HTR4: variants seen among roughly 807,000 people sequenced by gnomAD.
The protein encoded by HTR4 is 5-hydroxytryptamine (serotonin) receptor 4, G protein-coupled.
In HTR4, 16 loss-of-function variants were observed where a neutral mutation model predicts 36.8. The ratio of observed to expected loss-of-function variants is 0.43; its 90% CI spans 0.29 to 0.66. The LOEUF is 0.66. Ranked by LOEUF, HTR4 falls within the 30% of genes least tolerant of loss-of-function variation. HTR4 has a pLI of 0.13. For missense variants in HTR4, 438 were observed against 490.9 expected (o/e 0.89, Z 1.02); for synonymous variants, 189 against 185.1 (o/e 1.02, Z -0.17).
At chr5:148,565,052 G>A (rs546192369) in intron 2 of HTR4, among the ~76,000 whole-genome samples, 1 of 149,048 alleles carries the variant, frequency 6.7e-6, no homozygotes, top group East Asian at 2.0e-4. Context: ...AGAGGTTGCA[G>A]TAAGCCAATA....
At chr5:148,471,904 G>A (rs959823646), downstream of HTR4, among the ~76,000 whole-genome samples, 8 of 152,164 alleles carry the variant, frequency 5.3e-5, no homozygotes, top group African/African-American at 1.7e-4. Context: ...TTGTTTCAGT[G>A]TAGTTTACCT....
chr5:148,572,731 T>C (rs895935908), intron 2 of HTR4, among the ~76,000 whole-genome samples: 1 of 152,108 alleles, frequency 6.6e-6, no homozygotes, highest in Non-Finnish European at 1.5e-5. Context: ...CTAGAACCCT[T>C]TTCTTTAGTA....
At chr5:148,451,217 T>C in exon 6 of HTR4, 1 of 1,613,886 alleles carries the variant, frequency 6.2e-7, no homozygotes, top group Non-Finnish European at 8.5e-7. Context: ...TCTGGGTCAT[T>C]GTGTATGGGC....
intron 2 of HTR4, among the ~76,000 whole-genome samples, chr5:148,589,544 T>G (rs775336792): frequency 6.6e-6 from 1 of 152,164 alleles, no homozygotes; most frequent in Non-Finnish European, 1.5e-5. Context: ...CTGGTTGGGT[T>G]GTTTGGTGTT....
At chr5:148,504,347 A>C (rs1757081328) in intron 6 of HTR4, among the ~76,000 whole-genome samples, 1 of 152,202 alleles carries the variant, frequency 6.6e-6, no homozygotes, top group Admixed American at 6.5e-5. Context: ...ACCCACTCAA[A>C]ACTGCTCAAC....
chr5:148,580,108 T>G (rs987069496), intron 2 of HTR4, among the ~76,000 whole-genome samples: 1 of 152,018 alleles, frequency 6.6e-6, no homozygotes, highest in African/African-American at 2.4e-5. Context: ...ATATTGGCTT[T>G]GCAATCCTCA....
intron 5 of HTR4, among the ~76,000 whole-genome samples, chr5:148,463,694 G>A (rs546865237): frequency 1.3e-5 from 2 of 151,050 alleles, no homozygotes; most frequent in South Asian, 4.2e-4. Flanking sequence ...ATCTCAGTGA[G>A]GTTTTTTTTT....
chr5:148,614,279 C>T (rs1217573803), intron 2 of HTR4, among the ~76,000 whole-genome samples: 2 of 151,026 alleles, frequency 1.3e-5, no homozygotes, highest in Admixed American at 6.6e-5. Flanking sequence ...TGACTTCAAA[C>T]TATACTACAA....
At chr5:148,611,934 C>A (rs1752450925) in intron 2 of HTR4, among the ~76,000 whole-genome samples, 1 of 151,890 alleles carries the variant, frequency 6.6e-6, no homozygotes, top group African/African-American at 2.4e-5. Context: ...ACAAAGAAGG[C>A]CATTACATAA....
chr5:148,653,930 C>G (rs1006418233), intron 1 of HTR4, 132 bp downstream of exon 1: 2 of 481,626 alleles, frequency 4.2e-6, no homozygotes, highest in Non-Finnish European at 5.4e-6. Flanking sequence ...CCCACCCTGC[C>G]GCAAAGCCGG....
At chr5:148,461,068 T>C (rs548224425) in intron 5 of HTR4, among the ~76,000 whole-genome samples, 1 of 152,152 alleles carries the variant, frequency 6.6e-6, no homozygotes, top group Middle Eastern at 3.4e-3. Context: ...GGATTAGTTA[T>C]TAAATATGTT....
intron 2 of HTR4, among the ~76,000 whole-genome samples, chr5:148,585,812 A>C (rs1490944893): frequency 6.6e-6 from 1 of 152,176 alleles, no homozygotes; most frequent in Admixed American, 6.5e-5. Context: ...TGAGATAGAA[A>C]ATCTGATCCC....
intron 5 of HTR4, among the ~76,000 whole-genome samples, chr5:148,451,469 G>T (rs560757048): frequency 6.6e-6 from 1 of 152,266 alleles, no homozygotes; most frequent in East Asian, 1.9e-4. Context: ...CATATTAAAT[G>T]TGGAGAAACA....
intron 6 of HTR4, among the ~76,000 whole-genome samples, chr5:148,491,977 G>A (rs1470682831): frequency 6.6e-6 from 1 of 152,160 alleles, no homozygotes; most frequent in Non-Finnish European, 1.5e-5. Context: ...TATTGCTTAA[G>A]AGGCCCCAGG....
intron 2 of HTR4, among the ~76,000 whole-genome samples, chr5:148,603,772 A>C (rs768924710): frequency 2.6e-5 from 4 of 152,076 alleles, no homozygotes; most frequent in Non-Finnish European, 5.9e-5. Flanking sequence ...CCATTTATAG[A>C]CATACAGTAA....
At position 148,482,544 on chromosome 5, in the gene HTR4, C is replaced by T. The variant is rs199965643; in HGVS notation, c.*659G>A. 1.0e-6 allele frequency: 1 copy of T among 985,758 alleles called. No homozygotes were observed. Among genetic ancestry groups the T allele is most frequent in the African/African-American group, 1.7e-5 (1 of 57,192 alleles). The allele number at this position is 985,758 out of a possible 1,614,324, so 61.1% of individuals were successfully genotyped here. On this transcript the variant is annotated 3_prime_UTR_variant, in exon 7 of 7. Coordinates refer to ENST00000377888, the MANE Select transcript of HTR4 (RefSeq NM_000870.7). ...CCATGGAAAATAAATGGAGCATGTCCTGAAGAGGAGGACAGACATTGGACA... is the reference window on the plus strand; with the variant it reads ...CCATGGAAAATAAATGGAGCATGTCTTGAAGAGGAGGACAGACATTGGACA...
intron 1 of HTR4, among the ~76,000 whole-genome samples, chr5:148,649,051 C>T (rs1356472600): frequency 6.6e-6 from 1 of 152,076 alleles, no homozygotes; most frequent in Admixed American, 6.6e-5. Flanking sequence ...CTAACTAATA[C>T]AAAAGTTTTC....
chr5:148,622,175 AC>A (rs1431467220), intron 2 of HTR4, among the ~76,000 whole-genome samples: 1 of 152,004 alleles, frequency 6.6e-6, no homozygotes, highest in South Asian at 2.1e-4. Context: ...ATTTTGAGAA[AC>A]TTCTGTAAGT....
intron 2 of HTR4, among the ~76,000 whole-genome samples, chr5:148,611,620 T>C (rs199524815): frequency 2.1e-4 from 28 of 135,266 alleles, no homozygotes; most frequent in South Asian, 7.8e-4. Context: ...CTGCATCAAC[T>C]AACGAGCAAA....
Sources: allele counts gnomAD v4.1 joint callset (sites outside exome capture counted in the v4.1 genomes callset), GRCh38; gene constraint gnomAD v4.1.1; transcripts MANE v1.5; gene names NCBI Gene and HGNC (gene_info 2026-07-23, HGNC 2026-07-21).